Variants in CCDC39 observed in about 807,000 individuals in gnomAD.
CCDC39 encodes the protein coiled-coil domain-containing protein 39.
Under a neutral mutation model 121.0 loss-of-function variants are expected in CCDC39, and 113 were observed. The ratio of observed to expected loss-of-function variants is 0.93; its 90% CI spans 0.80 to 1.09. CCDC39 has a LOEUF of 1.09. CCDC39 is among the 50% of genes least tolerant of loss of function. The probability of loss-of-function intolerance (pLI) is 0.00; values close to 1 mark genes in which losing one functional copy is unlikely to be tolerated. For missense variants in CCDC39, 1,063 were observed against 1,074.7 expected (o/e 0.99, Z 0.15); for synonymous variants, 349 against 352.2 (o/e 0.99, Z 0.10).
chr3:180,660,518 A>G, intron 4 of CCDC39, 52 bp downstream of exon 4: 1 of 1,438,258 alleles, frequency 7.0e-7, no homozygotes, highest in Admixed American at 2.3e-5. Context: ...AAATAGGTTG[A>G]CATACTACAG....
chr3:180,677,165 ATT>A lies in CCDC39; in HGVS notation c.90+2124_90+2125del, dbSNP rs1246281842. ...TATTATAATAATAATAATAATAATA[ATT>A]TTATATATATATATATATATATATA... is the stretch of plus-strand genomic sequence containing the variant. On this transcript the variant is annotated intron_variant, in intron 1 of 19. Transcript: ENST00000476379. 6.5e-3 allele frequency among the ~76,000 whole-genome samples: 303 copies of A among 46,736 alleles called. 7 individuals carry two copies. Among genetic ancestry groups the A allele is most frequent in the African/African-American group, 0.025 (244 of 9,658 alleles). The allele number at this position is 46,736 out of a possible 152,430, so 30.7% of individuals were successfully genotyped here.
intron 14 of CCDC39, among the ~76,000 whole-genome samples, chr3:180,625,323 T>C (rs1273800681): frequency 3.3e-5 from 5 of 151,964 alleles, no homozygotes; most frequent in Non-Finnish European, 7.4e-5. Flanking sequence ...ATTGACTCTT[T>C]CTTTTGCTTG....
intron 1 of CCDC39, among the ~76,000 whole-genome samples, chr3:180,672,604 C>CA (rs1312012207): frequency 7.2e-5 from 11 of 152,068 alleles, no homozygotes; most frequent in Admixed American, 7.2e-4. Context: ...CTCAAACAAA[C>CA]AAAAAATTAA....
intron 1 of CCDC39, among the ~76,000 whole-genome samples, chr3:180,678,625 A>AT (rs1265446184): frequency 6.6e-6 from 1 of 151,230 alleles, no homozygotes; most frequent in African/African-American, 2.4e-5. Context: ...AAGTGCTGGG[A>AT]TTACAGGTGT....
chr3:180,620,073 A>G (rs1052385589), intron 14 of CCDC39, 103 bp from the exon 15 acceptor site: 7 of 850,798 alleles, frequency 8.2e-6, no homozygotes, highest in Non-Finnish European at 1.2e-5. Flanking sequence ...TGTGACAATA[A>G]CAGTTTATCT....
At chr3:180,631,743 ACTAT>A (rs1717703261) in intron 13 of CCDC39, among the ~76,000 whole-genome samples, 151 bp from the exon 14 acceptor site, 1 of 152,244 alleles carries the variant, frequency 6.6e-6, no homozygotes, top group Non-Finnish European at 1.5e-5. Flanking sequence ...TAATAAAAAG[ACTAT>A]CAGGTGTTCT....
In CCDC39 at chr3:180,659,798, T is replaced by C. The variant is rs762326473; in HGVS notation, c.517-29A>G. 6 of 1,414,900 alleles carry C rather than the reference T, an allele frequency of 4.2e-6. No individual in the cohort carries two copies. The South Asian group carries it at 6.1e-5, about 14-fold the overall frequency. The allele number at this position is 1,414,900 out of a possible 1,614,324, so 87.6% of individuals were successfully genotyped here. ...TGATGTAATTATATACAGATACTTA[T>C]AATTCTCATTCTATTAATTTAAATG... On this transcript the variant is annotated intron_variant, in intron 4 of 19. Transcript: ENST00000476379.
intron 13 of CCDC39, 83 bp downstream of exon 13, chr3:180,641,910 C>T (rs1015236525): frequency 1.1e-6 from 1 of 945,272 alleles, no homozygotes; most frequent in African/African-American, 1.7e-5. Flanking sequence ...CGATGCACAT[C>T]CGGGATGTTA....
At chr3:180,635,892 T>G (rs1306335149) in intron 13 of CCDC39, among the ~76,000 whole-genome samples, 1 of 152,172 alleles carries the variant, frequency 6.6e-6, no homozygotes, top group African/African-American at 2.4e-5. Flanking sequence ...AGGCTTTTGA[T>G]AAAAGTCAAC....
At chr3:180,666,270 T>A (rs1711874790) in intron 1 of CCDC39, among the ~76,000 whole-genome samples, 1 of 152,212 alleles carries the variant, frequency 6.6e-6, no homozygotes, top group Non-Finnish European at 1.5e-5. Context: ...CTTTCAAGTT[T>A]CGTCATTGAC....
chr3:180,636,654 T>C (rs545231103), intron 13 of CCDC39, among the ~76,000 whole-genome samples: 26 of 152,176 alleles, frequency 1.7e-4, no homozygotes, highest in Non-Finnish European at 3.4e-4. Context: ...TAACAAAGCT[T>C]GAGGCATCAC....
chr3:180,660,574 A>C lies in CCDC39; in HGVS notation c.512T>G (p.Ile171Ser). The change falls in exon 4 of 20, where the codon ATC becomes AGC. Residue 171 changes from isoleucine to serine, a missense_variant. Coordinates refer to ENST00000476379, the MANE Select transcript of CCDC39 (RefSeq NM_181426.2). The stretch of plus-strand genomic sequence containing the variant: ...TTACAATTTGTAATTTCTCACCCTG[A>C]TTTTATTATCATCTTGTTGTGCATA... The part of the protein sequence containing the change: ...QKYAQQDDNK[I>S]RALTLQLERL... The C allele has an allele frequency of 6.4e-7, 1 of 1,574,442 alleles. No individual in the cohort carries two copies. Among genetic ancestry groups the C allele is most frequent in the East Asian group, 2.3e-5 (1 of 44,076 alleles).
chr3:180,647,119 G>C lies in CCDC39; in HGVS notation c.1487C>G (p.Ser496Cys). The C allele has an allele frequency of 1.9e-6, 3 of 1,609,458 alleles. No homozygotes were observed. The highest frequency in any genetic ancestry group is 2.2e-5 in the East Asian group (1 of 44,750). Residue 496 changes from serine (S) to cysteine (C), a missense_variant, in exon 11 of 20, where the codon TCT (serine) becomes TGT (cysteine). Coordinates refer to ENST00000476379, the MANE Select transcript of CCDC39 (RefSeq NM_181426.2). ...ELRKSLEEKK[S>C]TCGLLETQIK... The stretch of plus-strand genomic sequence containing the variant: ...CTGTGTTTCCAAAAGGCCACATGTA[G>C]ATTTTTTCTCTTCCAAAGACTTCCT...
chr3:180,638,057 C>T (rs566407104), intron 13 of CCDC39, among the ~76,000 whole-genome samples: 17 of 152,108 alleles, frequency 1.1e-4, no homozygotes, highest in Non-Finnish European at 2.2e-4. Context: ...CAAACCTGCA[C>T]ATGTACCCCT....
chr3:180,617,318 GA>G (rs1717282815), intron 16 of CCDC39: 1 of 485,900 alleles, frequency 2.1e-6, no homozygotes, highest in East Asian at 3.0e-5. Context: ...ACTTGATAGT[GA>G]TAATAAAAGA....
intron 1 of CCDC39, among the ~76,000 whole-genome samples, chr3:180,678,429 T>A (rs1464193292): frequency 6.6e-6 from 1 of 152,218 alleles, no homozygotes; most frequent in Non-Finnish European, 1.5e-5. Flanking sequence ...CATCTGTTAT[T>A]CTTGGACCTT....
chr3:180,631,765 G>T (rs1717703780), intron 13 of CCDC39, among the ~76,000 whole-genome samples, 173 bp from the exon 14 acceptor site: 5 of 152,084 alleles, frequency 3.3e-5, no homozygotes, highest in Admixed American at 3.3e-4. Context: ...TCTTATTGAA[G>T]ACATTTGGAT....
chr3:180,658,333 T>G (rs926861710), intron 6 of CCDC39, among the ~76,000 whole-genome samples: 1 of 148,080 alleles, frequency 6.8e-6, no homozygotes, highest in Non-Finnish European at 1.5e-5. Context: ...CGGTGGCTCA[T>G]GTCTGTAATC....
chr3:180,672,928 TTCCAGCCC>T (rs1328476114), intron 1 of CCDC39, among the ~76,000 whole-genome samples: 2 of 152,198 alleles, frequency 1.3e-5, no homozygotes, highest in African/African-American at 4.8e-5. Context: ...AAGAAGAATA[TTCCAGCCC>T]TTATGGATGA....
Sources: allele counts gnomAD v4.1 joint callset (sites outside exome capture counted in the v4.1 genomes callset), GRCh38; gene constraint gnomAD v4.1.1; transcripts MANE v1.5; gene names NCBI Gene and HGNC (gene_info 2026-07-23, HGNC 2026-07-21).